LYPD1: variants seen among roughly 807,000 people sequenced by gnomAD.
LYPD1 encodes the protein ly6/PLAUR domain-containing protein 1.
LYPD1 carries 14 observed loss-of-function variants against 14.2 expected under a neutral mutation model. The observed-to-expected ratio is 0.99, with a 90% CI of 0.65 to 1.54. The LOEUF (loss-of-function observed/expected upper bound fraction) is 1.54, where lower values mean the gene tolerates loss of function less well. Among genes scored for constraint, LYPD1 ranks in the 40% most tolerant of loss-of-function variants. The probability of loss-of-function intolerance (pLI) is 0.00; values close to 1 mark genes in which losing one functional copy is unlikely to be tolerated. For missense variants in LYPD1, 165 were observed against 175.7 expected, an observed-to-expected ratio of 0.94 and a Z score of 0.34; for synonymous variants, 85 against 70.6, an observed-to-expected ratio of 1.20 and a Z score of -1.02.
rs567312271 is a variant in LYPD1 at position 132,644,326 on chromosome 2, G to A, written c.*1719C>T. 6.6e-6 allele frequency among the ~76,000 whole-genome samples: 1 copy of A among 152,344 alleles called. No homozygotes were observed. The highest frequency in any genetic ancestry group is 6.5e-5 in the Admixed American group (1 of 15,296). On this transcript the variant is annotated 3_prime_UTR_variant, in exon 3 of 3. Transcript: ENST00000397463. Reference sequence around the variant, plus strand: ...TCTAGGGCCTGATTGCTTCTGGGCTGTTGACAGCACAGCTCAGTGCTGCAA... The same window carrying A: ...TCTAGGGCCTGATTGCTTCTGGGCTATTGACAGCACAGCTCAGTGCTGCAA...
chr2:132,646,444 TAGATGG>T (rs1329000746), intron 2 of LYPD1, 164 bp from the exon 3 acceptor site: 4 of 418,914 alleles, frequency 9.5e-6, no homozygotes, highest in Admixed American at 4.4e-5. Flanking sequence ...ATATTCAAGA[TAGATGG>T]TGAAAGAGAC....
chr2:132,653,833 G>T (rs1425517118), intron 2 of LYPD1, among the ~76,000 whole-genome samples: 6 of 152,182 alleles, frequency 3.9e-5, no homozygotes, highest in Admixed American at 6.5e-5. Flanking sequence ...TGTCAAAAAT[G>T]CAAAACCTCT....
intron 2 of LYPD1, among the ~76,000 whole-genome samples, chr2:132,646,993 A>G (rs1682130974): frequency 6.6e-6 from 1 of 152,236 alleles, no homozygotes; most frequent in African/African-American, 2.4e-5. Context: ...GCCTGTCTCA[A>G]AGAGCATGTG....
Position 132,643,848 on chromosome 2 carries a change from GGT to G in LYPD1, c.*2195_*2196del, listed in dbSNP as rs1681922740. 2.6e-5 allele frequency among the ~76,000 whole-genome samples: 4 copies of G among 152,228 alleles called. No individual in the cohort carries two copies. The South Asian group carries it at 8.3e-4, about 32-fold the overall frequency. On this transcript the variant is annotated 3_prime_UTR_variant, in exon 3 of 3. Transcript: ENST00000397463. ...ATTTATTAATAGAATATTTACCATG[GGT>G]CATAGGCAGGAAGCATTCATTGCCA...
chr2:132,653,297 G>T (rs1682425889), intron 2 of LYPD1, among the ~76,000 whole-genome samples: 2 of 152,206 alleles, frequency 1.3e-5, no homozygotes, highest in African/African-American at 4.8e-5. Flanking sequence ...CAATGACCCA[G>T]TGGACAAAGC....
Position 132,670,089 on chromosome 2 carries a change from C to T in LYPD1, c.-157G>A. 6.8e-7 allele frequency: 1 copy of T among 1,473,694 alleles called. No homozygotes were observed. The allele number at this position is 1,473,694 out of a possible 1,614,324, so 91.3% of individuals were successfully genotyped here. A position where few individuals can be genotyped will look rare whatever the true frequency, so the allele number is the denominator to read the frequency against. Reference sequence around the variant, plus strand: ...TCGTAGCTTAGAGGAGCCGCAGGTGCCGCTCGCGGAGCCTGCATCGCCCGC... The same window carrying T: ...TCGTAGCTTAGAGGAGCCGCAGGTGTCGCTCGCGGAGCCTGCATCGCCCGC... On this transcript the variant is annotated 5_prime_UTR_variant, in exon 1 of 3. Coordinates refer to ENST00000397463, the MANE Select transcript of LYPD1 (RefSeq NM_144586.7). This position sits in a 1 kb window ranked among gnomAD's most constrained non-coding sequence, Gnocchi z 4.5.
At chr2:132,655,208 C>T (rs1173093180) in intron 2 of LYPD1, among the ~76,000 whole-genome samples, 1 of 152,130 alleles carries the variant, frequency 6.6e-6, no homozygotes, top group Non-Finnish European at 1.5e-5. Context: ...AAGAAACTTC[C>T]CATATCTGGT....
At chr2:132,646,319 C>T (rs186928495) in intron 2 of LYPD1, 39 bp from the exon 3 acceptor site, 27 of 1,354,662 alleles carry the variant, frequency 2.0e-5, no homozygotes, top group African/African-American at 4.5e-5. Context: ...TAACGTGCAC[C>T]GGCAAAAGAA....
intron 2 of LYPD1, among the ~76,000 whole-genome samples, chr2:132,663,547 A>T (rs1683089175): frequency 6.6e-6 from 1 of 152,222 alleles, no homozygotes; most frequent in African/African-American, 2.4e-5. Context: ...AAGTGCTGGG[A>T]TTACAGGCAT....
chr2:132,659,346 TAGAG>T (rs1306773119), intron 2 of LYPD1, among the ~76,000 whole-genome samples: 1 of 151,786 alleles, frequency 6.6e-6, no homozygotes, highest in Non-Finnish European at 1.5e-5. Context: ...GAAGGTGAGG[TAGAG>T]AGAGAAAGAG....
chr2:132,671,052 G>A (rs959322036), upstream of LYPD1: 1 of 152,544 alleles, frequency 6.6e-6, no homozygotes, highest in Non-Finnish European at 1.5e-5. Flanking sequence ...TTTCCCCAAA[G>A]CCACCGATTA....
chr2:132,669,963 A>C lies in LYPD1; in HGVS notation c.-31T>G, dbSNP rs754762549. The stretch of plus-strand genomic sequence containing the variant: ...CGGAGTCCCGGGGCCGGGAGAGGGC[A>C]AGCGCATCAGAGGAGGCGACAGCAG... On this transcript the variant is annotated 5_prime_UTR_variant, in exon 1 of 3. Transcript: ENST00000397463. The surrounding 1 kb of genome is among the most constrained non-coding windows in gnomAD (Gnocchi z 4.3). 2.4e-5 allele frequency: 38 copies of C among 1,609,928 alleles called. No individual in the cohort carries two copies. In the Admixed American group the frequency reaches 2.8e-4, roughly 12 times the overall value.
chr2:132,648,547 A>AT (rs1682235762), intron 2 of LYPD1, among the ~76,000 whole-genome samples: 1 of 152,214 alleles, frequency 6.6e-6, no homozygotes, highest in African/African-American at 2.4e-5. Context: ...CTGGGAGCTT[A>AT]TTTTTAAGGC....
At chr2:132,664,607 A>G (rs1683166118) in intron 2 of LYPD1, among the ~76,000 whole-genome samples, 1 of 152,238 alleles carries the variant, frequency 6.6e-6, no homozygotes, top group Non-Finnish European at 1.5e-5. Context: ...CTTTCTCTCA[A>G]TATACTGCAT....
chr2:132,652,836 A>T (rs1488683979), intron 2 of LYPD1, among the ~76,000 whole-genome samples: 2 of 152,222 alleles, frequency 1.3e-5, no homozygotes. Flanking sequence ...CTTTAAAAAT[A>T]CCACAAATTG....
upstream of LYPD1, chr2:132,671,078 AC>A (rs1314240601): frequency 6.6e-6 from 1 of 152,478 alleles, no homozygotes; most frequent in African/African-American, 2.4e-5. Context: ...ACATACTCCC[AC>A]GTCCTCTCCT....
upstream of LYPD1, chr2:132,671,145 T>G (rs1205179741): frequency 6.6e-6 from 1 of 152,342 alleles, no homozygotes; most frequent in Non-Finnish European, 1.5e-5. Flanking sequence ...ACCCCTCAAA[T>G]TCGTCTTCTT....
Position 132,645,651 on chromosome 2 carries a change from TAAGAAAACGTCACTC to T in LYPD1, c.*379_*393del. On this transcript the variant is annotated 3_prime_UTR_variant, in exon 3 of 3. Coordinates refer to ENST00000397463, the MANE Select transcript of LYPD1 (RefSeq NM_144586.7). ...TGAGTGGGAACTGGCCCTCCAGCCCTAAGAAAACGTCACTCTCACTCTGCAGTCTCAAACTATGCC... is the reference window on the plus strand; with the variant it reads ...TGAGTGGGAACTGGCCCTCCAGCCCTTCACTCTGCAGTCTCAAACTATGCC... The T allele has an allele frequency of 6.4e-7, 1 of 1,569,434 alleles. No homozygotes were observed. Among genetic ancestry groups the T allele is most frequent in the Non-Finnish European group, 8.6e-7 (1 of 1,159,796 alleles).
chr2:132,644,259 G>A lies in LYPD1; in HGVS notation c.*1786C>T, dbSNP rs1355607948. 6.6e-6 allele frequency among the ~76,000 whole-genome samples: 1 copy of A among 152,246 alleles called. No individual in the cohort carries two copies. Among genetic ancestry groups the A allele is most frequent in the Non-Finnish European group, 1.5e-5 (1 of 68,042 alleles). On this transcript the variant is annotated 3_prime_UTR_variant, in exon 3 of 3. Coordinates refer to ENST00000397463, the MANE Select transcript of LYPD1 (RefSeq NM_144586.7). ...GGGCATGCAAACAAATGTACATGCA[G>A]TAAACATTTGATCTACAGAAGGGCC...
Sources: gnomAD v4.1 joint callset for allele counts (sites outside exome capture counted in the v4.1 genomes callset) on GRCh38, gnomAD v4.1.1 for gene constraint, Gnocchi (gnomAD v3.1) non-coding constraint, MANE v1.5 for transcripts, NCBI Gene and HGNC (gene_info 2026-07-23, HGNC 2026-07-21) for gene names.